Variants in SLC35D4 observed in about 807,000 individuals in gnomAD.
SLC35D4 encodes solute carrier family 35 member D4.
chr18:23,307,963 A>AC, the SLC35D4 span, among the ~76,000 whole-genome samples: 3,180 of 151,514 alleles, frequency 0.021, 107 homozygotes, highest in African/African-American at 0.072. Context: ...GCTGAACACC[A>AC]CCCCACACCC....
At chr18:23,286,230 C>T in the SLC35D4 span, among the ~76,000 whole-genome samples, 2 of 152,200 alleles carry the variant, frequency 1.3e-5, no homozygotes, top group African/African-American at 4.8e-5. Flanking sequence ...ACCCCAGCCA[C>T]ATCTCCAGCA....
chr18:23,291,504 T>A, the SLC35D4 span, among the ~76,000 whole-genome samples: 1 of 152,182 alleles, frequency 6.6e-6, no homozygotes, highest in Non-Finnish European at 1.5e-5. Context: ...CTGACTGAGG[T>A]CACCTGATGG....
the SLC35D4 span, among the ~76,000 whole-genome samples, chr18:23,323,338 C>T: frequency 6.6e-6 from 1 of 152,154 alleles, no homozygotes; most frequent in African/African-American, 2.4e-5. Context: ...TATCCAGACC[C>T]CAGACCCCGA....
the SLC35D4 span, among the ~76,000 whole-genome samples, chr18:23,364,013 T>C: frequency 6.6e-6 from 1 of 152,168 alleles, no homozygotes; most frequent in African/African-American, 2.4e-5. Flanking sequence ...AAGTTATCCT[T>C]ACGAGACATG....
At chr18:23,370,915 G>C in the SLC35D4 span, among the ~76,000 whole-genome samples, 1 of 152,092 alleles carries the variant, frequency 6.6e-6, no homozygotes. Flanking sequence ...AAACATTTGA[G>C]GAAAAACTTC....
the SLC35D4 span, among the ~76,000 whole-genome samples, chr18:23,295,190 G>A: frequency 6.7e-6 from 1 of 149,314 alleles, no homozygotes; most frequent in Admixed American, 6.7e-5. Context: ...ACAGAGAGAG[G>A]AACAACATAC....
chr18:23,427,939 C>T, the SLC35D4 span, among the ~76,000 whole-genome samples: 1 of 151,992 alleles, frequency 6.6e-6, no homozygotes, highest in African/African-American at 2.4e-5. Flanking sequence ...AAACACCACA[C>T]GTTCTCACTC....
the SLC35D4 span, among the ~76,000 whole-genome samples, chr18:23,338,079 A>G: frequency 1.3e-5 from 2 of 152,208 alleles, no homozygotes; most frequent in Non-Finnish European, 2.9e-5. Context: ...AAGGCTAGTG[A>G]GTGATCACAG....
chr18:23,411,450 G>A, the SLC35D4 span, among the ~76,000 whole-genome samples: 2 of 142,740 alleles, frequency 1.4e-5, no homozygotes, highest in Non-Finnish European at 3.1e-5. Context: ...GAAAAAGAAG[G>A]ATAAAGAAAG....
chr18:23,379,643 A>G, the SLC35D4 span, among the ~76,000 whole-genome samples: 1 of 152,202 alleles, frequency 6.6e-6, no homozygotes, highest in African/African-American at 2.4e-5. Context: ...AAAAACAGGC[A>G]ATATGTTCAT....
chr18:23,260,625 G>C, the SLC35D4 span, among the ~76,000 whole-genome samples: 2 of 152,052 alleles, frequency 1.3e-5, no homozygotes, highest in African/African-American at 4.8e-5. Flanking sequence ...GTGGGGGGAG[G>C]CTGGAGAATG....
At chr18:23,286,752 A>T in the SLC35D4 span, among the ~76,000 whole-genome samples, 13 of 151,996 alleles carry the variant, frequency 8.6e-5, no homozygotes, top group Admixed American at 5.2e-4. Context: ...TCTGGTGCCA[A>T]CTTAGACAAT....
the SLC35D4 span, among the ~76,000 whole-genome samples, chr18:23,273,586 A>G: frequency 6.6e-6 from 1 of 151,928 alleles, no homozygotes; most frequent in Non-Finnish European, 1.5e-5. Flanking sequence ...TAGAGAATGC[A>G]ATCGCCCTGT....
the SLC35D4 span, among the ~76,000 whole-genome samples, chr18:23,383,204 C>A: frequency 1.3e-5 from 2 of 151,936 alleles, no homozygotes; most frequent in Admixed American, 6.6e-5. Flanking sequence ...ATTTGGGGGT[C>A]CTCTGTGAGC....
At chr18:23,254,823 C>CT in the SLC35D4 span, among the ~76,000 whole-genome samples, 4 of 152,198 alleles carry the variant, frequency 2.6e-5, no homozygotes, top group Non-Finnish European at 5.9e-5. Context: ...CCAAAGGCCC[C>CT]ATCTCCTAAT....
chr18:23,278,977 C>T, the SLC35D4 span, among the ~76,000 whole-genome samples: 1 of 148,306 alleles, frequency 6.7e-6, no homozygotes, highest in African/African-American at 2.5e-5. Context: ...TGTGCCACTG[C>T]ACTCCAGCTT....
the SLC35D4 span, among the ~76,000 whole-genome samples, chr18:23,262,964 G>A: frequency 2.0e-5 from 3 of 152,178 alleles, no homozygotes; most frequent in South Asian, 2.1e-4. Flanking sequence ...CCTTGGACAC[G>A]GTCTTCAACA....
chr18:23,403,338 A>C, the SLC35D4 span, among the ~76,000 whole-genome samples: 2 of 152,234 alleles, frequency 1.3e-5, no homozygotes, highest in Non-Finnish European at 2.9e-5. Flanking sequence ...GGACCATGCT[A>C]TACAATAAGG....
chr18:23,356,649 C>T, the SLC35D4 span: 732 of 1,614,094 alleles, frequency 4.5e-4, 2 homozygotes, highest in Admixed American at 7.5e-4. This position sits in a 1 kb window ranked among gnomAD's most constrained non-coding sequence, Gnocchi z 4.1. Context: ...AAGTCCAGGA[C>T]GCTGAAGAGA....
Sources: allele counts gnomAD v4.1 joint callset (sites outside exome capture counted in the v4.1 genomes callset), GRCh38; gene constraint gnomAD v4.1.1; non-coding constraint Gnocchi (gnomAD v3.1); transcripts MANE v1.5; gene names NCBI Gene and HGNC (gene_info 2026-07-23, HGNC 2026-07-21).